Variants in TRIM13 observed in about 807,000 individuals in gnomAD.
The protein encoded by TRIM13 is E3 ubiquitin-protein ligase TRIM13.
TRIM13 carries 15 observed loss-of-function variants against 27.1 expected under a neutral mutation model. That is an observed-to-expected ratio of 0.55 (90% CI 0.37 to 0.85). The LOEUF is 0.85. Ranked by LOEUF, TRIM13 falls within the 40% of genes least tolerant of loss-of-function variation. The pLI, the probability that TRIM13 is intolerant of heterozygous loss-of-function variation, is 0.00. For synonymous variants in TRIM13, 193 were observed against 171.5 expected (o/e 1.13, Z -0.98); for missense variants, 402 against 472.2 (o/e 0.85, Z 1.38).
At chr13:50,009,693 C>CCT (rs1250598063) in intron 1 of TRIM13, among the ~76,000 whole-genome samples, 11 of 142,806 alleles carry the variant, frequency 7.7e-5, no homozygotes, top group African/African-American at 2.6e-4. Flanking sequence ...GCCAAGATAG[C>CCT]ACCACTGCAC....
At chr13:50,000,968 T>C (rs897431509) in intron 1 of TRIM13, 1 of 152,232 alleles carries the variant, frequency 6.6e-6, no homozygotes, top group Non-Finnish European at 1.5e-5. Flanking sequence ...TATGTGTCTT[T>C]TATAAACTAT....
At position 50,015,610 on chromosome 13, in the gene TRIM13, C is replaced by T; in HGVS notation, c.*2446C>T. 1 of 1,614,070 alleles carries T rather than the reference C, an allele frequency of 6.2e-7. No homozygotes were observed. Among genetic ancestry groups the T allele is most frequent in the South Asian group, 1.1e-5 (1 of 91,080 alleles). Reference sequence around the variant, plus strand: ...TGGCACGCATGTTAGATGGCAGAGACCAAGAATTCAAGATGGTTGGTGGCC... The same window carrying T: ...TGGCACGCATGTTAGATGGCAGAGATCAAGAATTCAAGATGGTTGGTGGCC... On this transcript the variant is annotated 3_prime_UTR_variant, in exon 2 of 2. Transcript: ENST00000378182.
chr13:50,009,475 G>A (rs980959546), intron 1 of TRIM13, among the ~76,000 whole-genome samples: 20 of 152,054 alleles, frequency 1.3e-4, no homozygotes, highest in Non-Finnish European at 2.9e-5. Flanking sequence ...GGTGGCTCAC[G>A]CCTGTAATCC....
At position 50,013,934 on chromosome 13, in the gene TRIM13, C is replaced by G. The variant is rs537955705; in HGVS notation, c.*770C>G. Reference sequence around the variant, plus strand: ...CACACACACACGCGTGTGTGGGAGACAACTAAAGGTATTGAAGGTACTAAT... The same window carrying G: ...CACACACACACGCGTGTGTGGGAGAGAACTAAAGGTATTGAAGGTACTAAT... On this transcript the variant is annotated 3_prime_UTR_variant, in exon 2 of 2. Transcript: ENST00000378182. 1.2e-3 allele frequency: 196 copies of G among 166,502 alleles called. 2 individuals are homozygous for G. The highest frequency in any genetic ancestry group is 4.5e-3 in the African/African-American group (184 of 41,326). 10.3% of individuals were successfully genotyped at this position (166,502 alleles called of 1,614,324 possible). A position where few individuals can be genotyped will look rare whatever the true frequency, so the allele number is the denominator to read the frequency against.
rs1555325057 is a variant in TRIM13 at position 50,014,344 on chromosome 13, A to AAAAAATAT, written c.*1181_*1182insAAAATATA. The AAAAAATAT allele has an allele frequency of 2.8e-3, 55 of 19,714 alleles. 1 individual carries two copies. Among genetic ancestry groups the AAAAAATAT allele is most frequent in the Non-Finnish European group, 4.0e-3 (48 of 12,088 alleles). 1.2% of individuals were successfully genotyped at this position (19,714 alleles called of 1,614,324 possible). A position where few individuals can be genotyped will look rare whatever the true frequency, so the allele number is the denominator to read the frequency against. On this transcript the variant is annotated 3_prime_UTR_variant, in exon 2 of 2. Transcript: ENST00000378182. ...AAAAAAAAAAAAAAAAAAAAAAAAAAATATATATATATATATACACACACA... is the reference window on the plus strand; with the variant it reads ...AAAAAAAAAAAAAAAAAAAAAAAAAAAAAAATATATATATATATATATATACACACACA...
rs33989231 is a variant in TRIM13 at position 50,013,518 on chromosome 13, C to CTT, written c.*375_*376dup. ...TTCTTCAAGCATGCAGTAAAGATCA[C>CTT]TTTTTTTTTTTTTTTTTTTTTTGAG... On this transcript the variant is annotated 3_prime_UTR_variant, in exon 2 of 2. Transcript: ENST00000378182. The CTT allele has an allele frequency of 7.1e-3, 612 of 86,582 alleles. 34 individuals carry two copies. Among genetic ancestry groups the CTT allele is most frequent in the African/African-American group, 0.012 (284 of 22,826 alleles). The allele number at this position is 86,582 out of a possible 1,614,324, so 5.4% of individuals were successfully genotyped here. A position where few individuals can be genotyped will look rare whatever the true frequency, so the allele number is the denominator to read the frequency against.
chr13:50,009,736 CAAAAAAAAAAA>C (rs35561642), intron 1 of TRIM13, among the ~76,000 whole-genome samples: 3 of 101,164 alleles, frequency 3.0e-5, no homozygotes, highest in Admixed American at 1.2e-4. Context: ...GACTCCGTCT[CAAAAAAAAAAA>C]AAAAAAAAAA....
rs1234712828 is a variant in TRIM13 at position 50,015,398 on chromosome 13, C to A, written c.*2234C>A. 1.5e-5 allele frequency: 13 copies of A among 885,266 alleles called. No homozygotes were observed. The highest frequency in any genetic ancestry group is 2.3e-5 in the Non-Finnish European group (13 of 559,830). The allele number at this position is 885,266 out of a possible 1,614,324, so 54.8% of individuals were successfully genotyped here. On this transcript the variant is annotated 3_prime_UTR_variant, in exon 2 of 2. Coordinates refer to ENST00000378182, the MANE Select transcript of TRIM13 (RefSeq NM_213590.3). ...GGTTTTTGTTATTCTTCCCTCCCCTCCACTGCATAATCATGTATAACTAGC... is the reference window on the plus strand; with the variant it reads ...GGTTTTTGTTATTCTTCCCTCCCCTACACTGCATAATCATGTATAACTAGC...
intron 1 of TRIM13, among the ~76,000 whole-genome samples, chr13:50,005,158 TG>T (rs1367784362): frequency 6.6e-6 from 1 of 152,106 alleles, no homozygotes; most frequent in African/African-American, 2.4e-5. Flanking sequence ...AGGAGTAAGC[TG>T]GGTTGATTAC....
intron 1 of TRIM13, among the ~76,000 whole-genome samples, chr13:50,008,042 C>T (rs1174441803): frequency 6.6e-6 from 1 of 151,654 alleles, no homozygotes; most frequent in Non-Finnish European, 1.5e-5. Context: ...GTAGCTGGAA[C>T]TACAGGTGCC....
In TRIM13 at chr13:50,012,332, T is replaced by C. The variant is rs765041348; in HGVS notation, c.392T>C (p.Ile131Thr). ...CACACCAAACATGTCTTCTGTTCTATTGAAGATGCCTATGCTCAGGAAAGG... is the reference window on the plus strand; with the variant it reads ...CACACCAAACATGTCTTCTGTTCTACTGAAGATGCCTATGCTCAGGAAAGG... Reference protein sequence around the residue: ...GEHTKHVFCSIEDAYAQERDA... With the variant: ...GEHTKHVFCSTEDAYAQERDA... Residue 131 changes from isoleucine to threonine, a missense_variant, in exon 2 of 2, where the codon ATT (isoleucine) becomes ACT (threonine). By Grantham distance (89) the Ile-to-Thr change is moderately conservative (BLOSUM62 -1). This residue lies in a region of TRIM13 where 202 missense variants were observed against 277.5 expected (regional missense o/e 0.73). Transcript: ENST00000378182. The C allele has an allele frequency of 1.3e-5, 21 of 1,614,072 alleles. No individual in the cohort carries two copies. Among genetic ancestry groups the C allele is most frequent in the Middle Eastern group, 1.6e-4 (1 of 6,084 alleles).
Position 50,015,503 on chromosome 13 carries a change from C to A in TRIM13, c.*2339C>A. 1 of 1,610,346 alleles carries A rather than the reference C, an allele frequency of 6.2e-7. No homozygotes were observed. The highest frequency in any genetic ancestry group is 1.1e-5 in the South Asian group (1 of 90,606). The stretch of plus-strand genomic sequence containing the variant: ...TTGAAGTGAGGGAAGAATGAGTAGT[C>A]AGGAACTGGTCACTTTGAATGTGGG... On this transcript the variant is annotated 3_prime_UTR_variant, in exon 2 of 2. Transcript: ENST00000378182.
intron 1 of TRIM13, among the ~76,000 whole-genome samples, chr13:50,011,459 C>T (rs1403332925): frequency 6.6e-6 from 1 of 152,182 alleles, no homozygotes; most frequent in Non-Finnish European, 1.5e-5. Context: ...TATGCCAATT[C>T]ATAATAAAGT....
chr13:50,007,896 TA>T (rs1875005855), intron 1 of TRIM13, among the ~76,000 whole-genome samples: 1 of 151,572 alleles, frequency 6.6e-6, no homozygotes, highest in African/African-American at 2.4e-5. Flanking sequence ...AAATTACTGT[TA>T]AAAAAGTATT....
In TRIM13 at chr13:50,015,939, C is replaced by T. The variant is rs142559163; in HGVS notation, c.*2775C>T. Reference sequence around the variant, plus strand: ...ACAGTGTTTACAGAACAACCTTCAGCGCCGACCTGGAATGGTAACTTTTTC... The same window carrying T: ...ACAGTGTTTACAGAACAACCTTCAGTGCCGACCTGGAATGGTAACTTTTTC... On this transcript the variant is annotated 3_prime_UTR_variant, in exon 2 of 2. Transcript: ENST00000378182. The T allele has an allele frequency of 6.9e-5, 112 of 1,613,916 alleles. No homozygotes were observed. The highest frequency in any genetic ancestry group is 1.0e-4 in the Admixed American group (6 of 59,990).
In TRIM13 at chr13:50,011,509, T is replaced by G. The variant is rs552850234; in HGVS notation, c.-6-426T>G. Among the ~76,000 whole-genome samples, 20 of 152,350 alleles carry G rather than the reference T, an allele frequency of 1.3e-4. No homozygotes were observed. In the South Asian group the frequency reaches 2.3e-3, roughly 17 times the overall value. ...ATGTTTGGATTTATATTTCTGTGCT[T>G]CTTTCTTTTATATAACATACCATTT... is the stretch of plus-strand genomic sequence containing the variant. On this transcript the variant is annotated intron_variant, in intron 1 of 1. Coordinates refer to ENST00000378182, the MANE Select transcript of TRIM13 (RefSeq NM_213590.3).
chr13:50,010,319 G>A (rs904096177), intron 1 of TRIM13, among the ~76,000 whole-genome samples: 1 of 152,160 alleles, frequency 6.6e-6, no homozygotes, highest in Admixed American at 6.5e-5. Flanking sequence ...CTTCCAGAGT[G>A]TTAGGATTAC....
rs377384125 is a variant in TRIM13, at chr13:50,014,360, TACAC to T, written c.*1210_*1213del. On this transcript the variant is annotated 3_prime_UTR_variant, in exon 2 of 2. Transcript: ENST00000378182. The stretch of plus-strand genomic sequence containing the variant: ...AAAAAAAAAAATATATATATATATA[TACAC>T]ACACACACACACATATGTACACATA... 725 of 58,664 alleles carry T rather than the reference TACAC, an allele frequency of 0.012. 19 individuals are homozygous for T. The highest frequency in any genetic ancestry group is 0.023 in the Middle Eastern group (2 of 88). 3.6% of individuals were successfully genotyped at this position (58,664 alleles called of 1,614,324 possible). A position where few individuals can be genotyped will look rare whatever the true frequency, so the allele number is the denominator to read the frequency against.
intron 1 of TRIM13, among the ~76,000 whole-genome samples, chr13:50,002,379 A>C (rs981346236): frequency 1.1e-5 from 1 of 94,984 alleles, no homozygotes; most frequent in Non-Finnish European, 3.3e-5. Context: ...ACAGAGCAAG[A>C]CTGTCTCAAA....
Sources: allele counts gnomAD v4.1 joint callset (sites outside exome capture counted in the v4.1 genomes callset), GRCh38; gene constraint gnomAD v4.1.1; regional missense constraint gnomAD v4.1.1; transcripts MANE v1.5; gene names NCBI Gene and HGNC (gene_info 2026-07-23, HGNC 2026-07-21).